The following TGM7 variants were observed in gnomAD, a reference collection of about 807,000 sequenced individuals.
TGM7 encodes protein-glutamine gamma-glutamyltransferase Z.
TGM7 carries 74 observed loss-of-function variants against 79.5 expected under a neutral mutation model. That is an observed-to-expected ratio of 0.93 (90% CI 0.77 to 1.13). TGM7 has a LOEUF of 1.13. Among genes scored for constraint, TGM7 ranks in the 50% most tolerant of loss-of-function variants. TGM7 has a pLI of 0.00. For missense variants in TGM7, 912 were observed against 905.9 expected (o/e 1.01, Z -0.09); for synonymous variants, 354 against 362.5 (o/e 0.98, Z 0.27).
intron 11 of TGM7, 81 bp from the exon 12 acceptor site, chr15:43,277,076 C>A: frequency 6.5e-7 from 1 of 1,546,448 alleles, no homozygotes. Flanking sequence ...ACCCCCAGGT[C>A]CCTGGCGACC....
chr15:43,276,827 C>G (rs763782036), intron 12 of TGM7, 35 bp downstream of exon 12: 2 of 1,607,510 alleles, frequency 1.2e-6, no homozygotes, highest in African/African-American at 1.3e-5. Flanking sequence ...TTTCCTGAGA[C>G]CAGCAAGGGG....
chr15:43,298,163 GGCC>G (rs1401999071), intron 1 of TGM7, among the ~76,000 whole-genome samples: 1 of 152,224 alleles, frequency 6.6e-6, no homozygotes, highest in African/African-American at 2.4e-5. Context: ...TGGCTCCAGA[GGCC>G]GCCCCCTTAA....
chr15:43,290,220 C>T (rs1383216329), intron 4 of TGM7, among the ~76,000 whole-genome samples: 1 of 152,154 alleles, frequency 6.6e-6, no homozygotes, highest in Admixed American at 6.5e-5. Flanking sequence ...AGTCTTTAAT[C>T]CATCTTGAAT....
At chr15:43,297,455 AAAAGAGAG>A (rs2043002074) in intron 1 of TGM7, among the ~76,000 whole-genome samples, 1 of 151,508 alleles carries the variant, frequency 6.6e-6, no homozygotes. Flanking sequence ...CCTGTCTCAA[AAAAGAGAG>A]AAAGAGAGAC....
chr15:43,297,371 T>A (rs2043001467), intron 1 of TGM7, among the ~76,000 whole-genome samples: 1 of 151,812 alleles, frequency 6.6e-6, no homozygotes, highest in African/African-American at 2.4e-5. Flanking sequence ...GAGAATTGCT[T>A]GAACCTGGGA....
At chr15:43,292,212 G>A in intron 3 of TGM7, 115 bp from the exon 4 acceptor site, 1 of 690,416 alleles carries the variant, frequency 1.4e-6, no homozygotes, top group South Asian at 1.8e-5. Context: ...CAGTCGATGG[G>A]TTGATAGCAA....
chr15:43,291,497 G>A (rs1262725348), intron 4 of TGM7, among the ~76,000 whole-genome samples: 1 of 152,180 alleles, frequency 6.6e-6, no homozygotes, highest in Admixed American at 6.5e-5. Flanking sequence ...ATTTGTGCAC[G>A]CTGAAATTTG....
intron 6 of TGM7, among the ~76,000 whole-genome samples, chr15:43,286,986 G>C (rs549355462): frequency 6.6e-6 from 1 of 152,320 alleles, no homozygotes; most frequent in Non-Finnish European, 1.5e-5. Context: ...GCAGGTGGCA[G>C]AAAGGAGCCA....
chr15:43,291,938 T>C (rs201326357), intron 4 of TGM7, 41 bp downstream of exon 4: 14 of 1,481,362 alleles, frequency 9.5e-6, no homozygotes, highest in Admixed American at 1.7e-5. Context: ...GGACCAGCCT[T>C]AGGGAGCCCA....
chr15:43,279,462 G>A (rs1431319392), intron 10 of TGM7, among the ~76,000 whole-genome samples, 163 bp downstream of exon 10: 2 of 152,238 alleles, frequency 1.3e-5, no homozygotes, highest in Non-Finnish European at 2.9e-5. Context: ...CTCGCCTGGT[G>A]GGGTGGCATC....
chr15:43,301,789 C>T (rs538943459), intron 1 of TGM7, among the ~76,000 whole-genome samples: 2 of 152,026 alleles, frequency 1.3e-5, no homozygotes, highest in East Asian at 1.9e-4. Flanking sequence ...GAAAAAGGGG[C>T]CTGAACTCAG....
At chr15:43,288,175 G>C (rs1293886585) in intron 4 of TGM7, among the ~76,000 whole-genome samples, 1 of 152,224 alleles carries the variant, frequency 6.6e-6, no homozygotes, top group African/African-American at 2.4e-5. Context: ...CAGACGCTGC[G>C]GGCCCTGGAG....
At chr15:43,280,553 G>A (rs145562470) in intron 9 of TGM7, among the ~76,000 whole-genome samples, 2,966 of 152,180 alleles carry the variant, frequency 0.019, 78 homozygotes, top group African/African-American at 0.059. Flanking sequence ...AACCCAGGAG[G>A]TGGAGGTTGC....
chr15:43,302,146 C>T, intron 1 of TGM7, 95 bp downstream of exon 1: 1 of 1,447,618 alleles, frequency 6.9e-7, no homozygotes, highest in Non-Finnish European at 9.7e-7. Context: ...AATCCAGGCT[C>T]TCCTGTCGCT....
In TGM7 at chr15:43,291,978, C is replaced by A. The variant is rs1339319536; in HGVS notation, c.558+1G>T. The A allele has an allele frequency of 3.1e-6, 5 of 1,612,692 alleles. No homozygotes were observed. Among genetic ancestry groups the A allele is most frequent in the Non-Finnish European group, 3.4e-6 (4 of 1,178,850 alleles). On this transcript the variant is annotated splice_donor_variant, in intron 4 of 12. Transcript: ENST00000452443. LOFTEE classifies it high-confidence loss of function. ...AGGCCCACATTGGGTAATAGTGTTA[C>A]CTGCCCGTAGTTCCAGGGCCAGGAG...
At chr15:43,296,424 CAAA>C (rs35879868) in intron 1 of TGM7, among the ~76,000 whole-genome samples, 3 of 78,186 alleles carry the variant, frequency 3.8e-5, no homozygotes, top group East Asian at 4.0e-4. Flanking sequence ...GACTCTGTCT[CAAA>C]AAAAAAAAAA....
intron 1 of TGM7, among the ~76,000 whole-genome samples, chr15:43,297,522 G>GGAAA (rs60842023): frequency 0.46 from 59,975 of 129,228 alleles, 16,006 homozygotes; most frequent in African/African-American, 0.76. Flanking sequence ...AAGGAAGGAA[G>GGAAA]GAAAGAAAGA....
Position 43,293,554 on chromosome 15 carries a change from C to T in TGM7, c.88G>A (p.Val30Ile). ...CCGCGGCGCACAGTGAGCCGCTTGA[C>T]GCCCATCTCCTGCGTGTGGTGCTCC... ...NKEHHTQEMG[V>I]KRLTVRRGQP... The change falls in exon 2 of 13, where the codon GTC (valine) becomes ATC (isoleucine). Residue 30 changes from valine (V) to isoleucine (I), a missense_variant. Val to Ile is a conservative substitution (Grantham distance 29). Coordinates refer to ENST00000452443, the MANE Select transcript of TGM7 (RefSeq NM_052955.3). The T allele has an allele frequency of 6.2e-7, 1 of 1,611,426 alleles. No homozygotes were observed. The highest frequency in any genetic ancestry group is 8.5e-7 in the Non-Finnish European group (1 of 1,179,688).
chr15:43,292,819 T>A lies in TGM7; in HGVS notation c.329A>T (p.Asn110Ile). Residue 110 changes from asparagine to isoleucine, a missense_variant, in exon 3 of 13, where the codon AAT becomes ATT. By Grantham distance (149) the Asn-to-Ile change is moderately radical. Coordinates refer to ENST00000452443, the MANE Select transcript of TGM7 (RefSeq NM_052955.3). ...CAGAGTGTAATGGCCAATAACTGCA[T>A]TGGCTGGTGTGAAAAGGGAAACTTG... ...SLQVSLFTPA[N>I]AVIGHYTLKI... The A allele has an allele frequency of 1.2e-6, 2 of 1,614,148 alleles. No individual in the cohort carries two copies. The highest frequency in any genetic ancestry group is 1.7e-6 in the Non-Finnish European group (2 of 1,180,034).
Sources: allele counts gnomAD v4.1 joint callset (sites outside exome capture counted in the v4.1 genomes callset), GRCh38; gene constraint gnomAD v4.1.1; transcripts MANE v1.5; gene names NCBI Gene and HGNC (gene_info 2026-07-23, HGNC 2026-07-21).